OARD1: variants seen among roughly 807,000 people sequenced by gnomAD.
OARD1 encodes ADP-ribose glycohydrolase OARD1.
OARD1 carries 19 observed loss-of-function variants against 19.7 expected under a neutral mutation model. The ratio of observed to expected loss-of-function variants is 0.96; its 90% CI spans 0.67 to 1.41. The LOEUF is 1.41. Ranked by LOEUF, OARD1 falls within the 40% of genes most tolerant of loss-of-function variation. The pLI is 0.00. For missense variants in OARD1, 190 were observed against 183.8 expected (o/e 1.03, Z -0.20); for synonymous variants, 70 against 61.8 (o/e 1.13, Z -0.62).
chr6:41,077,177 T>C (rs1194680532), upstream of OARD1, among the ~76,000 whole-genome samples: 1 of 152,176 alleles, frequency 6.6e-6, no homozygotes, highest in African/African-American at 2.4e-5. Flanking sequence ...TGGGGAGGCG[T>C]TGAAACCTAA....
At chr6:41,075,956 A>G (rs775168223), upstream of OARD1, among the ~76,000 whole-genome samples, 1 of 152,220 alleles carries the variant, frequency 6.6e-6, no homozygotes, top group Non-Finnish European at 1.5e-5. Flanking sequence ...AGAGAAGTGC[A>G]TTAGAAAGCT....
intron 1 of OARD1, chr6:41,094,610 C>T (rs971708341): frequency 2.8e-6 from 2 of 719,652 alleles, no homozygotes; most frequent in African/African-American, 3.5e-5. Flanking sequence ...CTCACATTCT[C>T]TAAACTGGAT....
Position 41,068,959 on chromosome 6 carries a change from C to G in OARD1, c.244-6G>C. On this transcript the variant is annotated splice_region_variant and splice_polypyrimidine_tract_variant and intron_variant, in intron 4 of 5. Coordinates refer to ENST00000424266, the MANE Select transcript of OARD1 (RefSeq NM_001329686.2). ...GAAGCCCTTTTCTTTGTAATCTGAA[C>G]ACAAAGGATTCAAACTTTCATCATC... The G allele has an allele frequency of 2.0e-6, 3 of 1,513,454 alleles. No individual in the cohort carries two copies. The highest frequency in any genetic ancestry group is 2.7e-6 in the Non-Finnish European group (3 of 1,103,834). 93.8% of individuals were successfully genotyped at this position (1,513,454 alleles called of 1,614,324 possible). A position where few individuals can be genotyped will look rare whatever the true frequency, so the allele number is the denominator to read the frequency against.
At chr6:41,089,632 G>C in intron 1 of OARD1, 3 of 1,612,752 alleles carry the variant, frequency 1.9e-6, no homozygotes, top group African/African-American at 1.3e-5. Context: ...AGGCTGTGCA[G>C]GTGCAGGGCC....
chr6:41,082,404 T>C (rs1250297229), intron 1 of OARD1, among the ~76,000 whole-genome samples: 5 of 152,254 alleles, frequency 3.3e-5, no homozygotes, highest in Admixed American at 2.6e-4. Flanking sequence ...TGTAACATGC[T>C]CTTAACTGTA....
At chr6:41,073,632 C>T (rs1763617657), upstream of OARD1, among the ~76,000 whole-genome samples, 1 of 152,172 alleles carries the variant, frequency 6.6e-6, no homozygotes, top group East Asian at 1.9e-4. Flanking sequence ...GGAGGGAGGC[C>T]TGGGGAGGGT....
At chr6:41,081,212 G>A (rs536573860) in intron 1 of OARD1, among the ~76,000 whole-genome samples, 14 of 152,204 alleles carry the variant, frequency 9.2e-5, no homozygotes, top group East Asian at 7.7e-4. Context: ...GGGCTCGGCC[G>A]GGCGCGGTGG....
intron 1 of OARD1, chr6:41,093,041 C>T (rs372824683): frequency 2.5e-6 from 4 of 1,613,842 alleles, no homozygotes; most frequent in Non-Finnish European, 3.4e-6. Flanking sequence ...GAGGCAAGCC[C>T]GAGCTAAACT....
chr6:41,070,454 GTTT>G lies in OARD1; in HGVS notation c.185-323_185-321del, dbSNP rs375949983. Among the ~76,000 whole-genome samples the G allele has an allele frequency of 3.9e-3, 590 of 152,202 alleles. 11 individuals are homozygous for G. In the South Asian group the frequency reaches 0.061, roughly 16 times the overall value. On this transcript the variant is annotated intron_variant, in intron 3 of 5. Transcript: ENST00000424266. ...CCTTGAAATTGTTTTATAGTGTGTAGTTTTTTACTTGCCAAATGTGTATTTACT... is the reference window on the plus strand; with the variant it reads ...CCTTGAAATTGTTTTATAGTGTGTAGTTTACTTGCCAAATGTGTATTTACT...
intron 1 of OARD1, among the ~76,000 whole-genome samples, chr6:41,090,879 A>C (rs529686421): frequency 6.6e-6 from 1 of 152,356 alleles, no homozygotes; most frequent in Non-Finnish European, 1.5e-5. Context: ...TTTTGGAAGC[A>C]CCTGTTAGTC....
chr6:41,096,482 G>A (rs1303520716), intron 1 of OARD1, among the ~76,000 whole-genome samples: 1 of 152,160 alleles, frequency 6.6e-6, no homozygotes, highest in Non-Finnish European at 1.5e-5. Flanking sequence ...ATACTTCACA[G>A]CAATGTTGTA....
At chr6:41,096,101 C>T (rs1764349239) in intron 1 of OARD1, among the ~76,000 whole-genome samples, 1 of 151,952 alleles carries the variant, frequency 6.6e-6, no homozygotes, top group South Asian at 2.1e-4. Flanking sequence ...TTTTTTTAAC[C>T]TGCCAGTCCC....
At chr6:41,070,667 G>A (rs1365552357) in intron 3 of OARD1, among the ~76,000 whole-genome samples, 1 of 152,354 alleles carries the variant, frequency 6.6e-6, no homozygotes, top group East Asian at 1.9e-4. Flanking sequence ...GGACACTGAT[G>A]CTGTTAAGCC....
intron 3 of OARD1, 139 bp from the exon 4 acceptor site, chr6:41,070,273 TTGTC>T: frequency 1.6e-6 from 1 of 622,992 alleles, no homozygotes; most frequent in Non-Finnish European, 2.9e-6. Flanking sequence ...GGAAGACCTA[TTGTC>T]TCCCACAAAC....
intron 1 of OARD1, among the ~76,000 whole-genome samples, chr6:41,085,968 A>G (rs1049911896): frequency 6.6e-6 from 1 of 152,134 alleles, no homozygotes; most frequent in Non-Finnish European, 1.5e-5. Flanking sequence ...CCACTGGCAT[A>G]TTTTTGCCAA....
At chr6:41,071,359 A>G in intron 2 of OARD1, 83 bp from the exon 3 acceptor site, 2 of 1,363,126 alleles carry the variant, frequency 1.5e-6, no homozygotes, top group Non-Finnish European at 2.1e-6. Context: ...TGTGTCCCCC[A>G]CGACTACCTC....
chr6:41,077,393 C>T (rs1020299052), upstream of OARD1, among the ~76,000 whole-genome samples: 1 of 152,162 alleles, frequency 6.6e-6, no homozygotes, highest in Non-Finnish European at 1.5e-5. Flanking sequence ...CTCCCTCTTT[C>T]CTGTCTCCCT....
chr6:41,070,438 T>A (rs1273096018), intron 3 of OARD1, among the ~76,000 whole-genome samples: 1 of 152,200 alleles, frequency 6.6e-6, no homozygotes, highest in African/African-American at 2.4e-5. Context: ...GCCTTGAAAT[T>A]GTTTTATAGT....
intron 1 of OARD1, among the ~76,000 whole-genome samples, chr6:41,087,182 T>C (rs1764072352): frequency 6.6e-6 from 1 of 152,204 alleles, no homozygotes; most frequent in East Asian, 1.9e-4. Context: ...ATGAAGTTGG[T>C]TCACATAACC....
Sources: allele counts gnomAD v4.1 joint callset (sites outside exome capture counted in the v4.1 genomes callset), GRCh38; gene constraint gnomAD v4.1.1; transcripts MANE v1.5; gene names NCBI Gene and HGNC (gene_info 2026-07-23, HGNC 2026-07-21).